Variants in RAB30 observed in about 807,000 individuals in gnomAD.
RAB30 encodes the protein RAB30, member RAS oncogene family.
In RAB30, 9 loss-of-function variants were observed where a neutral mutation model predicts 25.1. That is an observed-to-expected ratio of 0.36 (90% CI 0.22 to 0.63). The LOEUF is 0.63. Among genes scored for constraint, RAB30 ranks in the 20% least tolerant of loss-of-function variants. The pLI, the probability that RAB30 is intolerant of heterozygous loss-of-function variation, is 0.69. For synonymous variants in RAB30, 77 were observed against 86.4 expected (o/e 0.89, Z 0.60); for missense variants, 140 against 243.5 (o/e 0.58, Z 2.83).
At chr11:83,026,480 T>C (rs187325808) in intron 1 of RAB30, among the ~76,000 whole-genome samples, 108 of 152,288 alleles carry the variant, frequency 7.1e-4, no homozygotes, top group Middle Eastern at 3.4e-3. Context: ...CCTCACTCTC[T>C]CTTGTTTCCA....
At chr11:83,069,461 A>G (rs1858782091) in intron 1 of RAB30, among the ~76,000 whole-genome samples, 1 of 152,186 alleles carries the variant, frequency 6.6e-6, no homozygotes, top group Non-Finnish European at 1.5e-5. Context: ...TTTCCTGCAC[A>G]GAGGAGAAGA....
At chr11:83,061,003 C>A (rs994118315) in intron 1 of RAB30, among the ~76,000 whole-genome samples, 1 of 152,220 alleles carries the variant, frequency 6.6e-6, no homozygotes, top group African/African-American at 2.4e-5. Context: ...CCTTTGGACT[C>A]CAGGACTTAA....
intron 1 of RAB30, among the ~76,000 whole-genome samples, chr11:83,025,820 A>C (rs1857697717): frequency 1.3e-5 from 2 of 152,218 alleles, no homozygotes; most frequent in African/African-American, 4.8e-5. Context: ...GTTCTTAAAA[A>C]ATTGAAAAGG....
intron 1 of RAB30, among the ~76,000 whole-genome samples, chr11:83,020,179 G>A (rs1413409105): frequency 6.6e-6 from 1 of 152,254 alleles, no homozygotes; most frequent in African/African-American, 2.4e-5. Context: ...CACAGCTACA[G>A]CCACTCAAAC....
intron 1 of RAB30, among the ~76,000 whole-genome samples, chr11:83,024,935 T>C (rs974400478): frequency 2.0e-5 from 3 of 152,224 alleles, no homozygotes; most frequent in Admixed American, 2.0e-4. Flanking sequence ...AGTTATAGCA[T>C]CTTTCAAGAT....
rs955235260 is a variant in RAB30 at position 83,007,832 on chromosome 11, G to A, written c.-8-10508C>T. On this transcript the variant is annotated intron_variant, in intron 1 of 4. Coordinates refer to ENST00000527633, the MANE Select transcript of RAB30 (RefSeq NM_001286060.2). ...AAAAAGGATACCCTTCCCACTCATC[G>A]ACCCCCTTCCAAGTTGGAGACTTCT... Among the ~76,000 whole-genome samples the A allele has an allele frequency of 8.7e-5, 13 of 149,934 alleles. 2 individuals carry two copies. Among genetic ancestry groups the A allele is most frequent in the Admixed American group, 8.0e-4 (12 of 15,024 alleles).
chr11:83,060,972 C>G (rs897767740), intron 1 of RAB30, among the ~76,000 whole-genome samples: 1 of 152,204 alleles, frequency 6.6e-6, no homozygotes, highest in Non-Finnish European at 1.5e-5. Context: ...TGTCCTCGGA[C>G]AACAACTCCA....
In RAB30 at chr11:82,987,612, G is replaced by C; in HGVS notation, c.336C>G (p.Ser112Arg). Residue 112 changes from serine to arginine, a missense_variant, in exon 4 of 5, where the codon AGC becomes AGG. Ser to Arg is a moderately radical substitution (Grantham distance 110). Coordinates refer to ENST00000527633, the MANE Select transcript of RAB30 (RefSeq NM_001286060.2). Reference sequence around the variant, plus strand: ...CCACTAACACAGTGATGACCTTGTTGCTGGCATATTGTTCTATCTCCCGCA... The same window carrying C: ...CCACTAACACAGTGATGACCTTGTTCCTGGCATATTGTTCTATCTCCCGCA... ...EWLREIEQYASNKVITVLVGN... is the reference protein window; with the variant it reads ...EWLREIEQYARNKVITVLVGN... 1 of 1,612,944 alleles carries C rather than the reference G, an allele frequency of 6.2e-7. No homozygotes were observed. Among genetic ancestry groups the C allele is most frequent in the Non-Finnish European group, 8.5e-7 (1 of 1,179,312 alleles).
chr11:83,028,856 G>C (rs1399281331), intron 1 of RAB30, among the ~76,000 whole-genome samples: 1 of 152,138 alleles, frequency 6.6e-6, no homozygotes, highest in Non-Finnish European at 1.5e-5. Flanking sequence ...GACCAACATG[G>C]CGAGACCCTA....
At chr11:82,991,170 T>G (rs1490739959) in intron 3 of RAB30, among the ~76,000 whole-genome samples, 2 of 152,122 alleles carry the variant, frequency 1.3e-5, no homozygotes, top group Admixed American at 1.3e-4. Flanking sequence ...AAAAAGACAC[T>G]TTAACATCAC....
At chr11:83,014,686 GAAAGAAA>G (rs1565277218) in intron 1 of RAB30, among the ~76,000 whole-genome samples, 73 of 134,600 alleles carry the variant, frequency 5.4e-4, no homozygotes, top group African/African-American at 2.0e-3. Flanking sequence ...AAGAAAGAAA[GAAAGAAA>G]GAGAAAGGAA....
chr11:83,014,671 A>AAAGAAAGAAAG (rs1857387804), intron 1 of RAB30, among the ~76,000 whole-genome samples: 1 of 150,348 alleles, frequency 6.7e-6, no homozygotes, highest in South Asian at 2.1e-4. Flanking sequence ...AGAAAGAAAG[A>AAAGAAAGAAAG]AAGAAAGAAA....
rs76132104 is a variant in RAB30 at position 82,994,736 on chromosome 11, G to A, written c.94-614C>T. On this transcript the variant is annotated intron_variant, in intron 2 of 4. Transcript: ENST00000527633. The stretch of plus-strand genomic sequence containing the variant: ...CCCAGGGTGATCACTGTTTTCCTCA[G>A]TACAATGTACCATGCATGTGTAATT... Among the ~76,000 whole-genome samples, 474 of 152,262 alleles carry A rather than the reference G, an allele frequency of 3.1e-3. 1 individual carries two copies. Among genetic ancestry groups the A allele is most frequent in the African/African-American group, 0.011 (447 of 41,540 alleles).
At chr11:82,987,415 T>C (rs1856758014) in intron 4 of RAB30, 172 bp downstream of exon 4, 1 of 524,128 alleles carries the variant, frequency 1.9e-6, no homozygotes, top group Non-Finnish European at 3.1e-6. Context: ...ACTGTCACCA[T>C]GGGATAGGAC....
chr11:83,051,311 T>C (rs1590876126), intron 1 of RAB30, among the ~76,000 whole-genome samples: 1 of 152,218 alleles, frequency 6.6e-6, no homozygotes, highest in African/African-American at 2.4e-5. Context: ...TTCATTTTTA[T>C]TGAGCCACTG....
chr11:83,038,399 G>A (rs1459819330), intron 1 of RAB30, among the ~76,000 whole-genome samples: 1 of 152,190 alleles, frequency 6.6e-6, no homozygotes, highest in African/African-American at 2.4e-5. Context: ...GATTAGCGCT[G>A]TGTCCTCTGG....
At chr11:82,999,892 A>T (rs184981432) in intron 1 of RAB30, among the ~76,000 whole-genome samples, 1 of 152,178 alleles carries the variant, frequency 6.6e-6, no homozygotes, top group Non-Finnish European at 1.5e-5. Flanking sequence ...GTAATTAATT[A>T]TTCACATATC....
chr11:83,061,368 G>C (rs1447956515), intron 1 of RAB30, among the ~76,000 whole-genome samples: 1 of 152,186 alleles, frequency 6.6e-6, no homozygotes, highest in Admixed American at 6.5e-5. Context: ...TATTGGGTAA[G>C]TAGTCTTGAT....
chr11:83,018,063 G>A (rs915160300), intron 1 of RAB30, among the ~76,000 whole-genome samples: 4 of 152,190 alleles, frequency 2.6e-5, no homozygotes, highest in Non-Finnish European at 4.4e-5. Flanking sequence ...AACTTTGGGA[G>A]GCCAAGGCAG....
Sources: allele counts gnomAD v4.1 joint callset (sites outside exome capture counted in the v4.1 genomes callset), GRCh38; gene constraint gnomAD v4.1.1; transcripts MANE v1.5; gene names NCBI Gene and HGNC (gene_info 2026-07-23, HGNC 2026-07-21).